SNTG2: variants seen among roughly 807,000 people sequenced by gnomAD.
The protein encoded by SNTG2 is gamma-2-syntrophin.
In SNTG2, 74 loss-of-function variants were observed where a neutral mutation model predicts 70.9. That is an observed-to-expected ratio of 1.04 (90% CI 0.86 to 1.27). SNTG2 has a LOEUF of 1.27. Among genes scored for constraint, SNTG2 ranks in the 50% most tolerant of loss-of-function variants. SNTG2 has a pLI of 0.00. For synonymous variants in SNTG2, 278 were observed against 273.8 expected, an observed-to-expected ratio of 1.02 and a Z score of -0.15; for missense variants, 717 against 690.7, an observed-to-expected ratio of 1.04 and a Z score of -0.43.
At chr2:1,000,060 A>G (rs1365106695) in intron 1 of SNTG2, among the ~76,000 whole-genome samples, 2 of 152,068 alleles carry the variant, frequency 1.3e-5, no homozygotes, top group South Asian at 2.1e-4. Context: ...TTAAGATGGA[A>G]AATTTTTAAA....
intron 16 of SNTG2, among the ~76,000 whole-genome samples, chr2:1,352,060 C>T (rs1176472906): frequency 6.6e-6 from 1 of 152,212 alleles, no homozygotes; most frequent in Non-Finnish European, 1.5e-5. Flanking sequence ...CCCTCTCTGA[C>T]AGTCCCTGCA....
At chr2:1,219,274 G>A (rs1674597807) in intron 9 of SNTG2, among the ~76,000 whole-genome samples, 1 of 152,208 alleles carries the variant, frequency 6.6e-6, no homozygotes, top group Non-Finnish European at 1.5e-5. Context: ...CCCAGCAGAT[G>A]TCGCCATGCT....
chr2:1,346,781 G>T (rs764401230), intron 16 of SNTG2, among the ~76,000 whole-genome samples: 10 of 152,232 alleles, frequency 6.6e-5, no homozygotes, highest in Non-Finnish European at 1.3e-4. Flanking sequence ...TGGAGGGTGT[G>T]CACTGCTTCA....
intron 15 of SNTG2, 35 bp from the exon 16 acceptor site, chr2:1,316,230 T>C (rs1246152463): frequency 2.8e-6 from 3 of 1,073,224 alleles, no homozygotes; most frequent in Non-Finnish European, 1.4e-6. Flanking sequence ...TGAGCTCTTG[T>C]TTAGAAATCG....
chr2:1,232,172 G>T (rs1676297430), intron 9 of SNTG2, among the ~76,000 whole-genome samples: 1 of 152,168 alleles, frequency 6.6e-6, no homozygotes, highest in African/African-American at 2.4e-5. Flanking sequence ...TGAACCAATG[G>T]GAAGTGACAG....
chr2:1,310,749 C>T (rs545802590), intron 15 of SNTG2, among the ~76,000 whole-genome samples: 12 of 152,136 alleles, frequency 7.9e-5, no homozygotes, highest in African/African-American at 2.2e-4. Flanking sequence ...CAGGCAGAGC[C>T]GGGCTTGGGG....
chr2:1,133,730 C>G (rs752298416), intron 4 of SNTG2, among the ~76,000 whole-genome samples: 14 of 152,148 alleles, frequency 9.2e-5, no homozygotes, highest in South Asian at 4.1e-4. Flanking sequence ...AAGTGTCCGT[C>G]AGCTGAAACA....
intron 1 of SNTG2, among the ~76,000 whole-genome samples, chr2:1,062,476 AAAC>A (rs1662886295): frequency 6.6e-6 from 1 of 152,244 alleles, no homozygotes; most frequent in South Asian, 2.1e-4. Context: ...GACTAAATAA[AAAC>A]AAGCTATGCA....
chr2:1,216,820 G>A (rs966375044), intron 9 of SNTG2, among the ~76,000 whole-genome samples: 2 of 152,214 alleles, frequency 1.3e-5, no homozygotes, highest in African/African-American at 4.8e-5. Flanking sequence ...CCTGGTGGGA[G>A]ATGATTGGAT....
At chr2:979,423 G>A (rs1317084885) in intron 1 of SNTG2, among the ~76,000 whole-genome samples, 1 of 152,176 alleles carries the variant, frequency 6.6e-6, no homozygotes, top group Non-Finnish European at 1.5e-5. Flanking sequence ...CGGAAGGCAG[G>A]GTGGGGTTTG....
chr2:1,082,776 G>T (rs1664418846), intron 1 of SNTG2, among the ~76,000 whole-genome samples: 1 of 152,240 alleles, frequency 6.6e-6, no homozygotes, highest in Admixed American at 6.5e-5. Context: ...AGCCCCCAGG[G>T]TGGCTTTCCC....
intron 4 of SNTG2, among the ~76,000 whole-genome samples, chr2:1,100,007 T>C (rs1665679185): frequency 6.6e-6 from 1 of 152,164 alleles, no homozygotes; most frequent in African/African-American, 2.4e-5. Flanking sequence ...CCAGAGGCAG[T>C]CTCAGCCTCA....
Position 1,083,594 on chromosome 2 carries a change from A to C in SNTG2, c.149A>C (p.Glu50Ala), listed in dbSNP as rs142024310. 0.01 allele frequency: 16,742 copies of C among 1,613,752 alleles called. 135 individuals are homozygous for C. Among genetic ancestry groups the C allele is most frequent in the Non-Finnish European group, 0.011 (13,287 of 1,179,694 alleles). ...AYDIRLKLTK[E>A]VLTIQKQDVV... is the part of the protein sequence containing the mutation. ...GACATCCGGCTGAAGCTGACGAAAG[A>C]GGTGCTGACAATTCAGAAACAAGAT... Residue 50 changes from glutamate to alanine, a missense_variant, in exon 2 of 17, where the codon GAG becomes GCG. Physicochemically the swap from Glu to Ala is moderately radical, Grantham distance 107. Transcript: ENST00000308624.
intron 8 of SNTG2, among the ~76,000 whole-genome samples, chr2:1,191,764 C>T (rs1672607497): frequency 6.6e-6 from 1 of 152,174 alleles, no homozygotes; most frequent in African/African-American, 2.4e-5. Flanking sequence ...CACTGCACTC[C>T]AGCCTGGCGA....
At chr2:1,002,807 C>T (rs531602886) in intron 1 of SNTG2, among the ~76,000 whole-genome samples, 4 of 151,392 alleles carry the variant, frequency 2.6e-5, no homozygotes, top group Non-Finnish European at 5.9e-5. Context: ...TGTATGTTTA[C>T]TGTGGCACTA....
At position 1,175,263 on chromosome 2, in the gene SNTG2, C is replaced by T. The variant is rs180775904; in HGVS notation, c.591+2080C>T. On this transcript the variant is annotated intron_variant, in intron 8 of 16. Coordinates refer to ENST00000308624, the MANE Select transcript of SNTG2 (RefSeq NM_018968.4). Reference sequence around the variant, plus strand: ...AAGTAACCAGCACCATGAGCGCAGGCGTGTGCTGCTGAGACCTCTGTTGTA... The same window carrying T: ...AAGTAACCAGCACCATGAGCGCAGGTGTGTGCTGCTGAGACCTCTGTTGTA... Among the ~76,000 whole-genome samples the T allele has an allele frequency of 3.9e-4, 60 of 152,288 alleles. No homozygotes were observed. The South Asian group carries it at 4.6e-3, about 12-fold the overall frequency.
At chr2:1,246,220 C>T (rs1235035268) in intron 11 of SNTG2, among the ~76,000 whole-genome samples, 2 of 152,212 alleles carry the variant, frequency 1.3e-5, no homozygotes, top group African/African-American at 2.4e-5. Context: ...TTCGGCTACG[C>T]GTCCCCGCCC....
At chr2:1,300,290 C>T (rs1680403051) in intron 14 of SNTG2, among the ~76,000 whole-genome samples, 1 of 152,234 alleles carries the variant, frequency 6.6e-6, no homozygotes, top group African/African-American at 2.4e-5. Flanking sequence ...TGTCGAAAAT[C>T]CTTTCAAAGT....
At chr2:1,289,069 C>T (rs1326831624) in intron 14 of SNTG2, among the ~76,000 whole-genome samples, 4 of 152,040 alleles carry the variant, frequency 2.6e-5, no homozygotes, top group Non-Finnish European at 5.9e-5. Flanking sequence ...CGGCTGTCCT[C>T]TGCTCTCTGC....
Sources: gnomAD v4.1 joint callset for allele counts (sites outside exome capture counted in the v4.1 genomes callset) on GRCh38, gnomAD v4.1.1 for gene constraint, MANE v1.5 for transcripts, NCBI Gene and HGNC (gene_info 2026-07-23, HGNC 2026-07-21) for gene names.